Variants in ENTREP2 observed in about 807,000 individuals in gnomAD.
The protein encoded by ENTREP2 is protein ENTREP2.
At chr15:29,256,498 T>C in the ENTREP2 span, among the ~76,000 whole-genome samples, 1 of 152,184 alleles carries the variant, frequency 6.6e-6, no homozygotes, top group Non-Finnish European at 1.5e-5. Context: ...CACACAACAG[T>C]CTCAAAATAA....
At chr15:29,135,948 C>T in the ENTREP2 span, among the ~76,000 whole-genome samples, 1 of 152,086 alleles carries the variant, frequency 6.6e-6, no homozygotes, top group African/African-American at 2.4e-5. The surrounding 1 kb of genome is among the most constrained non-coding windows in gnomAD (Gnocchi z 7.4). Context: ...GGGGGCTCTC[C>T]CCTTGGGTCA....
the ENTREP2 span, among the ~76,000 whole-genome samples, chr15:29,429,511 A>G: frequency 6.6e-6 from 1 of 152,184 alleles, no homozygotes; most frequent in African/African-American, 2.4e-5. Flanking sequence ...ATAAGCCACC[A>G]TGGCCAGCCA....
At chr15:29,146,107 G>A in the ENTREP2 span, among the ~76,000 whole-genome samples, 1 of 152,084 alleles carries the variant, frequency 6.6e-6, no homozygotes, top group Non-Finnish European at 1.5e-5. Flanking sequence ...TAACAAAAAA[G>A]CAAAACTTGC....
At chr15:29,172,949 G>A in the ENTREP2 span, among the ~76,000 whole-genome samples, 12 of 152,116 alleles carry the variant, frequency 7.9e-5, no homozygotes, top group African/African-American at 2.7e-4. Context: ...GTGGCGGGAG[G>A]CCCACCAGTG....
At chr15:29,213,891 C>T in the ENTREP2 span, among the ~76,000 whole-genome samples, 1 of 152,172 alleles carries the variant, frequency 6.6e-6, no homozygotes, top group Non-Finnish European at 1.5e-5. Context: ...TATGAACAGA[C>T]ACTTCTCAAA....
At chr15:29,318,137 A>G in the ENTREP2 span, among the ~76,000 whole-genome samples, 321 of 152,270 alleles carry the variant, frequency 2.1e-3, no homozygotes, top group African/African-American at 7.1e-3. Flanking sequence ...GCCGTGTTTT[A>G]TTGCACTTCG....
chr15:29,515,457 C>T, the ENTREP2 span, among the ~76,000 whole-genome samples: 1 of 152,186 alleles, frequency 6.6e-6, no homozygotes, highest in African/African-American at 2.4e-5. Flanking sequence ...ATCTTCTCTA[C>T]TCCGTCTACT....
the ENTREP2 span, among the ~76,000 whole-genome samples, chr15:29,525,577 C>T: frequency 6.6e-6 from 1 of 152,170 alleles, no homozygotes; most frequent in South Asian, 2.1e-4. Flanking sequence ...CTAAACTAGG[C>T]ACATGAAACA....
chr15:29,647,513 T>A, the ENTREP2 span, among the ~76,000 whole-genome samples: 10 of 152,330 alleles, frequency 6.6e-5, 1 homozygote, highest in African/African-American at 2.4e-4. Context: ...TACTGTAATG[T>A]ACAGTACAGG....
the ENTREP2 span, among the ~76,000 whole-genome samples, chr15:29,576,083 C>A: frequency 2.0e-5 from 3 of 152,126 alleles, no homozygotes; most frequent in South Asian, 2.1e-4. Context: ...TCAAAACTTA[C>A]CACAAAGGTA....
the ENTREP2 span, among the ~76,000 whole-genome samples, chr15:29,406,374 G>A: frequency 5.9e-5 from 9 of 151,994 alleles, no homozygotes; most frequent in Non-Finnish European, 1.2e-4. Context: ...TGGCGAAACC[G>A]CATCTCTACT....
the ENTREP2 span, among the ~76,000 whole-genome samples, chr15:29,213,900 A>G: frequency 1.3e-5 from 2 of 152,236 alleles, no homozygotes; most frequent in African/African-American, 4.8e-5. Flanking sequence ...ACACTTCTCA[A>G]AAGAAGACAT....
chr15:29,395,341 C>G, the ENTREP2 span, among the ~76,000 whole-genome samples: 2 of 151,974 alleles, frequency 1.3e-5, no homozygotes, highest in East Asian at 3.9e-4. Flanking sequence ...TCTTTGAGAC[C>G]CTTCTTTCAA....
chr15:29,240,786 G>C, the ENTREP2 span, among the ~76,000 whole-genome samples: 1 of 152,188 alleles, frequency 6.6e-6, no homozygotes, highest in Admixed American at 6.6e-5. Flanking sequence ...CAAGGTCTCA[G>C]ATTCCCTACC....
At chr15:29,620,592 C>T in the ENTREP2 span, among the ~76,000 whole-genome samples, 1 of 151,942 alleles carries the variant, frequency 6.6e-6, no homozygotes, top group Non-Finnish European at 1.5e-5. Context: ...GAAGTATGAT[C>T]ACACCACTGC....
the ENTREP2 span, among the ~76,000 whole-genome samples, chr15:29,280,766 G>A: frequency 6.6e-6 from 1 of 152,220 alleles, no homozygotes; most frequent in Non-Finnish European, 1.5e-5. Context: ...TCCTCAAAAT[G>A]CATGAAAGGC....
the ENTREP2 span, among the ~76,000 whole-genome samples, chr15:29,207,006 C>T: frequency 2.0e-5 from 3 of 152,150 alleles, no homozygotes; most frequent in African/African-American, 4.8e-5. Flanking sequence ...AGACATGCTC[C>T]GTAGGTTGGA....
the ENTREP2 span, among the ~76,000 whole-genome samples, chr15:29,601,937 G>T: frequency 6.6e-6 from 1 of 152,224 alleles, no homozygotes; most frequent in Non-Finnish European, 1.5e-5. Context: ...TGACTGTGGT[G>T]CGCATCTGTT....
chr15:29,385,793 G>A, the ENTREP2 span, among the ~76,000 whole-genome samples: 9 of 152,094 alleles, frequency 5.9e-5, no homozygotes, highest in Non-Finnish European at 1.3e-4. Context: ...CTGTTTTCAT[G>A]CCCAAATGTT....
Sources: gnomAD v4.1 joint callset for allele counts (sites outside exome capture counted in the v4.1 genomes callset) on GRCh38, gnomAD v4.1.1 for gene constraint, Gnocchi (gnomAD v3.1) non-coding constraint, MANE v1.5 for transcripts, NCBI Gene and HGNC (gene_info 2026-07-23, HGNC 2026-07-21) for gene names.